Variants in NRIP1 observed in about 807,000 individuals in gnomAD.
NRIP1 encodes the protein nuclear receptor-interacting protein 1.
NRIP1 carries 28 observed loss-of-function variants against 75.0 expected under a neutral mutation model. The ratio of observed to expected loss-of-function variants is 0.37; its 90% CI spans 0.28 to 0.51. The LOEUF (loss-of-function observed/expected upper bound fraction) is 0.51, where lower values mean the gene tolerates loss of function less well. NRIP1 is among the 20% of genes least tolerant of loss of function. NRIP1 has a pLI of 0.92. For missense variants in NRIP1, 1,435 were observed against 1,343.7 expected, an observed-to-expected ratio of 1.07 and a Z score of -1.06; for synonymous variants, 526 against 487.6, an observed-to-expected ratio of 1.08 and a Z score of -1.04.
At position 14,987,500 on chromosome 21, in the gene NRIP1, A is replaced by G. The variant is rs200711976; in HGVS notation, c.-334-18974T>C. ...GGTCTGTCACCTTGTTAAGGCCAAG[A>G]TAAGATAGTGAAAACCCATTGTTGA... On this transcript the variant is annotated intron_variant, in intron 3 of 3. Transcript: ENST00000318948. 4.6e-5 allele frequency among the ~76,000 whole-genome samples: 7 copies of G among 152,288 alleles called. No individual in the cohort carries two copies. The East Asian group carries it at 1.2e-3, about 25-fold the overall frequency.
chr21:15,021,901 G>T (rs1239492048), intron 2 of NRIP1, among the ~76,000 whole-genome samples: 1 of 152,174 alleles, frequency 6.6e-6, no homozygotes, highest in Non-Finnish European at 1.5e-5. Context: ...AACAGATGCT[G>T]GCAAGGTTGT....
chr21:14,993,448 C>T (rs1027603381), intron 3 of NRIP1, among the ~76,000 whole-genome samples: 2 of 151,974 alleles, frequency 1.3e-5, no homozygotes, highest in African/African-American at 4.8e-5. Context: ...TAAAAGATAC[C>T]ATGAGCCTTA....
intron 2 of NRIP1, among the ~76,000 whole-genome samples, chr21:15,036,013 T>G (rs1274670709): frequency 1.3e-5 from 2 of 152,196 alleles, no homozygotes; most frequent in African/African-American, 2.4e-5. Context: ...TAATACAAAC[T>G]GCATGCCCAT....
intron 2 of NRIP1, among the ~76,000 whole-genome samples, chr21:15,014,895 T>C (rs2088189772): frequency 6.7e-6 from 1 of 150,072 alleles, no homozygotes; most frequent in Non-Finnish European, 1.5e-5. Flanking sequence ...ATACCAAGTA[T>C]GTAATCTTTG....
chr21:14,999,878 T>C (rs1327080232), intron 3 of NRIP1, among the ~76,000 whole-genome samples: 1 of 152,242 alleles, frequency 6.6e-6, no homozygotes, highest in Non-Finnish European at 1.5e-5. Context: ...TTCTCTATAG[T>C]TTAATGTACC....
intron 1 of NRIP1, among the ~76,000 whole-genome samples, chr21:15,056,702 A>C (rs1466030407): frequency 2.0e-5 from 3 of 152,178 alleles, no homozygotes; most frequent in African/African-American, 7.2e-5. Context: ...TGCTTTTCCA[A>C]CATGATTTGG....
Position 14,967,525 on chromosome 21 carries a change from C to A in NRIP1, c.668G>T (p.Gly223Val). 7 of 1,614,136 alleles carry A rather than the reference C, an allele frequency of 4.3e-6. No homozygotes were observed. Among genetic ancestry groups the A allele is most frequent in the Non-Finnish European group, 5.9e-6 (7 of 1,180,018 alleles). The change falls in exon 4 of 4, where the codon GGA becomes GTA. Residue 223 changes from glycine (G) to valine (V), a missense_variant. Transcript: ENST00000318948. Reference sequence around the variant, plus strand: ...ACTCATGACCTTTGTTCCACTTTGTCCAACATGATGAGGAGACTCTGCAAA... The same window carrying A: ...ACTCATGACCTTTGTTCCACTTTGTACAACATGATGAGGAGACTCTGCAAA... ...DRFAESPHHV[G>V]QSGTKVMSEP...
rs2086659258 is a variant in NRIP1 at position 14,964,149 on chromosome 21, C to T, written c.*567G>A. On this transcript the variant is annotated 3_prime_UTR_variant, in exon 4 of 4. Coordinates refer to ENST00000318948, the MANE Select transcript of NRIP1 (RefSeq NM_003489.4). ...AGACACATTGGGAACCACAAAACCT[C>T]TTCCAAGAGTTAAAAATAAACACCT... 1 of 146,168 alleles carries T rather than the reference C, an allele frequency of 6.8e-6. No individual in the cohort carries two copies. The highest frequency in any genetic ancestry group is 1.5e-5 in the Non-Finnish European group (1 of 67,138). The allele number at this position is 146,168 out of a possible 1,614,324, so 9.1% of individuals were successfully genotyped here.
chr21:14,966,339 A>G lies in NRIP1; in HGVS notation c.1854T>C (p.Gly618=). ...PPGEKPAQNE[G]AQNSATFSAS... Reference sequence around the variant, plus strand: ...CACTAAACGTTGCAGAGTTCTGTGCACCTTCATTTTGGGCTGGTTTCTCTC... The same window carrying G: ...CACTAAACGTTGCAGAGTTCTGTGCGCCTTCATTTTGGGCTGGTTTCTCTC... Residue 618 remains glycine (G), a synonymous_variant, in exon 4 of 4, where the codon GGT becomes GGC. Coordinates refer to ENST00000318948, the MANE Select transcript of NRIP1 (RefSeq NM_003489.4). The G allele has an allele frequency of 1.2e-6, 2 of 1,613,912 alleles. No individual in the cohort carries two copies. Among genetic ancestry groups the G allele is most frequent in the Non-Finnish European group, 1.7e-6 (2 of 1,179,926 alleles).
At chr21:15,033,002 G>A (rs935048722) in intron 2 of NRIP1, among the ~76,000 whole-genome samples, 1 of 152,124 alleles carries the variant, frequency 6.6e-6, no homozygotes, top group African/African-American at 2.4e-5. Context: ...GAGGTGGGTG[G>A]ATCACGAGGT....
chr21:14,972,894 G>A (rs953458072), intron 3 of NRIP1, among the ~76,000 whole-genome samples: 4 of 152,200 alleles, frequency 2.6e-5, no homozygotes, highest in African/African-American at 9.6e-5. Flanking sequence ...CGGAGCTCAG[G>A]CGGTAATGCT....
In NRIP1 at chr21:15,046,784, T is replaced by C. The variant is rs551304100; in HGVS notation, c.-537-3210A>G. On this transcript the variant is annotated intron_variant, in intron 1 of 3. Transcript: ENST00000318948. ...ACCTAGATCTTCTGGAAGCTTGCTG[T>C]AGCTTCTACATCAGCATTACCTGCT... Among the ~76,000 whole-genome samples, 6 of 152,364 alleles carry C rather than the reference T, an allele frequency of 3.9e-5. No individual in the cohort carries two copies. The South Asian group carries it at 1.2e-3, about 32-fold the overall frequency.
chr21:14,968,313 A>C lies in NRIP1; in HGVS notation c.-121T>G. The C allele has an allele frequency of 1.5e-6, 1 of 672,304 alleles. No individual in the cohort carries two copies. 41.6% of individuals were successfully genotyped at this position (672,304 alleles called of 1,614,324 possible). The stretch of plus-strand genomic sequence containing the variant: ...GTTTATCACCTTCCATCGCAATCAG[A>C]GAGAGACGTACTGTTACATTCTGTC... On this transcript the variant is annotated 5_prime_UTR_variant, in exon 4 of 4. Coordinates refer to ENST00000318948, the MANE Select transcript of NRIP1 (RefSeq NM_003489.4).
chr21:14,963,052 T>C lies in NRIP1; in HGVS notation c.*1664A>G, dbSNP rs898071361. On this transcript the variant is annotated 3_prime_UTR_variant, in exon 4 of 4. Coordinates refer to ENST00000318948, the MANE Select transcript of NRIP1 (RefSeq NM_003489.4). ...CTGAAACCCCATGTGGCTTCACTAA[T>C]ATATTAATTTCTTCTAAGACAGTAT... 1 of 152,214 alleles carries C rather than the reference T, an allele frequency of 6.6e-6. No homozygotes were observed. Among genetic ancestry groups the C allele is most frequent in the African/African-American group, 2.4e-5 (1 of 41,440 alleles). The allele number at this position is 152,214 out of a possible 1,614,324, so 9.4% of individuals were successfully genotyped here. A position where few individuals can be genotyped will look rare whatever the true frequency, so the allele number is the denominator to read the frequency against.
intron 3 of NRIP1, among the ~76,000 whole-genome samples, chr21:15,011,918 G>C (rs1481462740): frequency 6.6e-6 from 1 of 152,074 alleles, no homozygotes; most frequent in Non-Finnish European, 1.5e-5. Flanking sequence ...AATAGCAAGG[G>C]AAACATGGCC....
intron 2 of NRIP1, among the ~76,000 whole-genome samples, chr21:15,021,765 G>A (rs996752083): frequency 2.0e-5 from 3 of 152,142 alleles, no homozygotes; most frequent in Admixed American, 6.5e-5. Context: ...GAAGACATTC[G>A]TGCGGCCAGC....
intron 3 of NRIP1, among the ~76,000 whole-genome samples, chr21:14,990,977 C>T (rs1464968243): frequency 1.3e-5 from 2 of 152,086 alleles, no homozygotes; most frequent in Admixed American, 6.5e-5. Context: ...CTACGTGCTT[C>T]TCGTTTCATT....
chr21:14,961,561 T>C lies in NRIP1; in HGVS notation c.*3155A>G, dbSNP rs1352959367. 3 of 152,394 alleles carry C rather than the reference T, an allele frequency of 2.0e-5. No homozygotes were observed. The highest frequency in any genetic ancestry group is 7.2e-5 in the African/African-American group (3 of 41,410). 9.4% of individuals were successfully genotyped at this position (152,394 alleles called of 1,614,324 possible). On this transcript the variant is annotated 3_prime_UTR_variant, in exon 4 of 4. Coordinates refer to ENST00000318948, the MANE Select transcript of NRIP1 (RefSeq NM_003489.4). ...GTGAATTCTTTATGTTTAAAAGTGGTTGACGATTAAAAAAATTCTTTAAGA... is the reference window on the plus strand; with the variant it reads ...GTGAATTCTTTATGTTTAAAAGTGGCTGACGATTAAAAAAATTCTTTAAGA...
At position 14,999,049 on chromosome 21, in the gene NRIP1, G is replaced by A. The variant is rs77227160; in HGVS notation, c.-335+15295C>T. On this transcript the variant is annotated intron_variant, in intron 3 of 3. Transcript: ENST00000318948. ...AGGCAGGCTCGTGCTCTGTTGTCCA[G>A]GCTGGAGTGCAGTAATTCAATCACA... Among the ~76,000 whole-genome samples, 888 of 152,288 alleles carry A rather than the reference G, an allele frequency of 5.8e-3. 5 individuals are homozygous for A. Among genetic ancestry groups the A allele is most frequent in the South Asian group, 0.027 (130 of 4,830 alleles).
Sources: allele counts gnomAD v4.1 joint callset (sites outside exome capture counted in the v4.1 genomes callset), GRCh38; gene constraint gnomAD v4.1.1; transcripts MANE v1.5; gene names NCBI Gene and HGNC (gene_info 2026-07-23, HGNC 2026-07-21).